Variants in HTR1F observed in about 807,000 individuals in gnomAD.
HTR1F encodes 5-hydroxytryptamine receptor 1F, also known as 5-hydroxytryptamine (serotonin) receptor 1F, G protein-coupled.
A neutral mutation model predicts 24.0 loss-of-function variants in HTR1F; 17 were observed. The ratio of observed to expected loss-of-function variants is 0.71; its 90% CI spans 0.48 to 1.06. The LOEUF is 1.06. Ranked by LOEUF, HTR1F falls within the 50% of genes least tolerant of loss-of-function variation. HTR1F has a pLI of 0.00. For missense variants in HTR1F, 391 were observed against 427.8 expected (o/e 0.91, Z 0.76); for synonymous variants, 186 against 156.8 (o/e 1.19, Z -1.39).
intron 2 of HTR1F, among the ~76,000 whole-genome samples, chr3:87,941,282 G>A (rs1422332929): frequency 6.6e-6 from 1 of 152,202 alleles, no homozygotes; most frequent in Non-Finnish European, 1.5e-5. Flanking sequence ...TTGGGCAGAA[G>A]CCTGTAATGC....
intron 2 of HTR1F, among the ~76,000 whole-genome samples, chr3:87,828,125 G>T (rs1230508279): frequency 1.3e-5 from 2 of 152,102 alleles, no homozygotes; most frequent in African/African-American, 4.8e-5. Context: ...TATTTATTTT[G>T]TTATAAGATC....
In HTR1F at chr3:87,811,503, CTGAAA is replaced by C. The variant is rs1175392423; in HGVS notation, c.-159-10502_-159-10498del. 1.7e-4 allele frequency among the ~76,000 whole-genome samples: 26 copies of C among 152,100 alleles called. 2 individuals carry two copies. In the East Asian group the frequency reaches 4.6e-3, roughly 27 times the overall value. On this transcript the variant is annotated intron_variant, in intron 1 of 2. Transcript: ENST00000319595. Reference sequence around the variant, plus strand: ...TCAAATGTCAATAGATGAAACAGCCCTGAAATGTATATAATAGGAAAAGAAAAGTA... The same window carrying C: ...TCAAATGTCAATAGATGAAACAGCCCTGTATATAATAGGAAAAGAAAAGTA...
chr3:87,937,295 G>A (rs1704448525), intron 2 of HTR1F, among the ~76,000 whole-genome samples: 1 of 152,210 alleles, frequency 6.6e-6, no homozygotes, highest in South Asian at 2.1e-4. Flanking sequence ...CTTCATCCCA[G>A]GGATGCAAGT....
intron 2 of HTR1F, among the ~76,000 whole-genome samples, chr3:87,887,660 T>A (rs1429924795): frequency 3.3e-5 from 5 of 152,106 alleles, no homozygotes; most frequent in African/African-American, 1.2e-4. Context: ...AAGTGGGCAA[T>A]GGATATGAAC....
intron 2 of HTR1F, among the ~76,000 whole-genome samples, chr3:87,876,784 TC>T (rs1705681017): frequency 6.6e-6 from 1 of 152,160 alleles, no homozygotes; most frequent in African/African-American, 2.4e-5. Flanking sequence ...TACATATTGT[TC>T]CTATGTCTAT....
intron 2 of HTR1F, among the ~76,000 whole-genome samples, chr3:87,888,948 T>C (rs1706018474): frequency 6.6e-6 from 1 of 152,252 alleles, no homozygotes; most frequent in East Asian, 1.9e-4. Context: ...CTGATCCCCA[T>C]TGTTGGAGGT....
intron 2 of HTR1F, among the ~76,000 whole-genome samples, chr3:87,930,211 A>G (rs1704228044): frequency 6.6e-6 from 1 of 152,188 alleles, no homozygotes; most frequent in Admixed American, 6.5e-5. Flanking sequence ...TTCTAGATAT[A>G]GAATAGTGTC....
chr3:87,877,131 A>G (rs1432570376), intron 2 of HTR1F, among the ~76,000 whole-genome samples: 1 of 152,148 alleles, frequency 6.6e-6, no homozygotes, highest in East Asian at 1.9e-4. Context: ...AGCATACAAG[A>G]TTTGTAGTGA....
At chr3:87,831,506 G>T (rs1704579345) in intron 2 of HTR1F, among the ~76,000 whole-genome samples, 1 of 151,830 alleles carries the variant, frequency 6.6e-6, no homozygotes, top group Non-Finnish European at 1.5e-5. Context: ...GGGATTACAG[G>T]CGCCGGCCAC....
At position 87,991,199 on chromosome 3, in the gene HTR1F, ATC is replaced by A. The variant is rs1371024744; in HGVS notation, c.452_453del (p.Ser151CysfsTer16). 1 of 1,613,992 alleles carries A rather than the reference ATC, an allele frequency of 6.2e-7. No individual in the cohort carries two copies. The highest frequency in any genetic ancestry group is 1.7e-5 in the Admixed American group (1 of 59,976). On this transcript the variant is annotated frameshift_variant, in exon 3 of 3. Coordinates refer to ENST00000319595, the MANE Select transcript of HTR1F (RefSeq NM_001322209.2). LOFTEE classifies it high-confidence loss of function. The part of the protein sequence containing the change: ...GIMITIVWII[S>X]VFISMPPLFW... ...TTATGATTACAATAGTTTGGATTAT[ATC>A]TGTTTTTATCTCTATGCCTCCTCTA... is the stretch of plus-strand genomic sequence containing the variant.
chr3:87,943,095 C>T (rs1229765136), intron 2 of HTR1F, among the ~76,000 whole-genome samples: 1 of 152,174 alleles, frequency 6.6e-6, no homozygotes, highest in Non-Finnish European at 1.5e-5. Flanking sequence ...TAGCAAATGT[C>T]TGCAGCACCA....
intron 2 of HTR1F, among the ~76,000 whole-genome samples, chr3:87,926,116 A>C (rs1424906106): frequency 1.3e-5 from 2 of 152,166 alleles, no homozygotes; most frequent in East Asian, 3.8e-4. Context: ...CAGAAATGTA[A>C]TTGTATTTAC....
chr3:87,945,057 TTCTC>T (rs1343414298), intron 2 of HTR1F, among the ~76,000 whole-genome samples: 3 of 152,022 alleles, frequency 2.0e-5, no homozygotes, highest in African/African-American at 4.8e-5. Flanking sequence ...TTCTATCTTT[TTCTC>T]TCTCTCTTCT....
At chr3:87,818,925 C>A (rs1704301958) in intron 1 of HTR1F, among the ~76,000 whole-genome samples, 1 of 152,190 alleles carries the variant, frequency 6.6e-6, no homozygotes, top group South Asian at 2.1e-4. Context: ...CAACAACTAG[C>A]ACCTTATTGC....
At chr3:87,909,110 G>C (rs1394880696) in intron 2 of HTR1F, among the ~76,000 whole-genome samples, 1 of 151,994 alleles carries the variant, frequency 6.6e-6, no homozygotes, top group African/African-American at 2.4e-5. Context: ...AATGAGATGT[G>C]AGGGAATATG....
intron 2 of HTR1F, among the ~76,000 whole-genome samples, chr3:87,940,809 T>C (rs1264021318): frequency 6.6e-6 from 1 of 152,154 alleles, no homozygotes; most frequent in Non-Finnish European, 1.5e-5. Flanking sequence ...ATTTACGATT[T>C]TAGTTACTTT....
chr3:87,828,084 G>A (rs1704501609), intron 2 of HTR1F, among the ~76,000 whole-genome samples: 2 of 152,138 alleles, frequency 1.3e-5, no homozygotes, highest in Admixed American at 1.3e-4. Flanking sequence ...TAATTGTACT[G>A]TTCTCTCCCA....
chr3:87,979,141 G>GAGGT (rs1705486757), intron 2 of HTR1F, among the ~76,000 whole-genome samples: 1 of 129,852 alleles, frequency 7.7e-6, no homozygotes, highest in Non-Finnish European at 1.7e-5. Flanking sequence ...GGGAGGGAGG[G>GAGGT]AGGGAGATGG....
intron 2 of HTR1F, among the ~76,000 whole-genome samples, chr3:87,874,614 G>A (rs1472176811): frequency 5.5e-5 from 8 of 146,472 alleles, no homozygotes; most frequent in Admixed American, 2.7e-4. Context: ...AAATCTCAAA[G>A]CATTTTTCTG....
Sources: gnomAD v4.1 joint callset for allele counts (sites outside exome capture counted in the v4.1 genomes callset) on GRCh38, gnomAD v4.1.1 for gene constraint, MANE v1.5 for transcripts, NCBI Gene and HGNC (gene_info 2026-07-23, HGNC 2026-07-21) for gene names.